Variants in KCNG3 observed in about 807,000 individuals in gnomAD.
KCNG3 encodes the protein voltage-gated potassium channel regulatory subunit KCNG3.
A neutral mutation model predicts 29.0 loss-of-function variants in KCNG3; 15 were observed. The observed-to-expected ratio is 0.52, with a 90% CI of 0.35 to 0.80. The LOEUF is 0.80. KCNG3 is among the 30% of genes least tolerant of loss of function. The probability of loss-of-function intolerance (pLI) is 0.01; values close to 1 mark genes in which losing one functional copy is unlikely to be tolerated. For synonymous variants in KCNG3, 322 were observed against 248.9 expected (o/e 1.29, Z -2.76); for missense variants, 512 against 605.7 (o/e 0.85, Z 1.62).
At chr2:42,430,413 C>G in the KCNG3 span, among the ~76,000 whole-genome samples, 1 of 146,766 alleles carries the variant, frequency 6.8e-6, no homozygotes, top group South Asian at 2.2e-4. Flanking sequence ...TAAATAAATA[C>G]GCTAACCAAC....
chr2:42,390,153 G>A, the KCNG3 span, among the ~76,000 whole-genome samples: 3 of 152,098 alleles, frequency 2.0e-5, no homozygotes, highest in East Asian at 5.8e-4. Flanking sequence ...CACCAAAATT[G>A]GATTTTGCTC....
chr2:42,421,107 T>C, the KCNG3 span, among the ~76,000 whole-genome samples: 1 of 152,224 alleles, frequency 6.6e-6, no homozygotes, highest in Admixed American at 6.5e-5. Flanking sequence ...ATTTTTGAGA[T>C]GTTTTATCTT....
intron 1 of KCNG3, among the ~76,000 whole-genome samples, chr2:42,467,228 C>T (rs998711725): frequency 8.5e-5 from 13 of 152,212 alleles, no homozygotes; most frequent in South Asian, 8.3e-4. Flanking sequence ...ATTGAATCTA[C>T]ACTTTGACAT....
At chr2:42,488,282 G>C (rs1455227920) in intron 1 of KCNG3, among the ~76,000 whole-genome samples, 1 of 152,158 alleles carries the variant, frequency 6.6e-6, no homozygotes, top group African/African-American at 2.4e-5. Flanking sequence ...ATTGTGCACT[G>C]TGCCAAAATT....
At chr2:42,418,020 T>C in the KCNG3 span, among the ~76,000 whole-genome samples, 1 of 151,598 alleles carries the variant, frequency 6.6e-6, no homozygotes, top group Non-Finnish European at 1.5e-5. Flanking sequence ...AAATAAAATA[T>C]ATATATACTG....
chr2:42,447,429 T>A (rs908791323), intron 1 of KCNG3, among the ~76,000 whole-genome samples: 5 of 152,162 alleles, frequency 3.3e-5, no homozygotes, highest in African/African-American at 1.2e-4. Flanking sequence ...CCTCATTTCT[T>A]AAACATGGTG....
At chr2:42,471,500 A>T (rs1673287487) in intron 1 of KCNG3, among the ~76,000 whole-genome samples, 1 of 152,134 alleles carries the variant, frequency 6.6e-6, no homozygotes, top group South Asian at 2.1e-4. Context: ...AGGAGGGGGA[A>T]CAGGGTGTGA....
the KCNG3 span, among the ~76,000 whole-genome samples, chr2:42,427,020 A>G: frequency 6.6e-6 from 1 of 152,380 alleles, no homozygotes; most frequent in East Asian, 1.9e-4. Context: ...CCATAACTAG[A>G]GAACTCTTCT....
chr2:42,478,729 T>C (rs1478646698), intron 1 of KCNG3, among the ~76,000 whole-genome samples: 1 of 152,180 alleles, frequency 6.6e-6, no homozygotes, highest in Non-Finnish European at 1.5e-5. Flanking sequence ...CTCTCATAGA[T>C]GGCTCTATGG....
the KCNG3 span, among the ~76,000 whole-genome samples, chr2:42,428,597 T>C: frequency 6.6e-6 from 1 of 151,456 alleles, no homozygotes; most frequent in African/African-American, 2.4e-5. Context: ...TCTAGAAAAA[T>C]GTTCTTCTAA....
At chr2:42,423,310 G>A in the KCNG3 span, among the ~76,000 whole-genome samples, 1 of 152,146 alleles carries the variant, frequency 6.6e-6, no homozygotes. Context: ...CTCCACCCTT[G>A]ACACAGTTGA....
At chr2:42,477,146 T>C (rs1191863283) in intron 1 of KCNG3, among the ~76,000 whole-genome samples, 1 of 146,626 alleles carries the variant, frequency 6.8e-6, no homozygotes, top group Non-Finnish European at 1.5e-5. Flanking sequence ...GAGCTGAGAT[T>C]ACGCCACTGC....
At chr2:42,450,687 C>T (rs543699632) in intron 1 of KCNG3, among the ~76,000 whole-genome samples, 1 of 152,306 alleles carries the variant, frequency 6.6e-6, no homozygotes, top group South Asian at 2.1e-4. Context: ...AATTTACAGA[C>T]ATCATCTCGT....
chr2:42,399,169 A>C, the KCNG3 span, among the ~76,000 whole-genome samples: 4 of 143,092 alleles, frequency 2.8e-5, no homozygotes, highest in African/African-American at 7.9e-5. Flanking sequence ...TGATCCTCCC[A>C]CTTCAGGTTT....
chr2:42,455,800 T>TTA (rs1672861881), intron 1 of KCNG3, among the ~76,000 whole-genome samples: 1 of 151,386 alleles, frequency 6.6e-6, no homozygotes, highest in South Asian at 2.1e-4. Flanking sequence ...AATTAAAAAA[T>TTA]TATATATATG....
At chr2:42,440,123 T>A (rs950659428), downstream of KCNG3, among the ~76,000 whole-genome samples, 2 of 152,124 alleles carry the variant, frequency 1.3e-5, no homozygotes, top group African/African-American at 4.8e-5. Context: ...GTTGCTAATA[T>A]TTGGATCGGA....
rs1674003747 is a variant in KCNG3 at position 42,493,946 on chromosome 2, GGCCGCCCCGCC to G, written c.-456_-446del. The G allele has an allele frequency of 6.5e-6, 1 of 154,850 alleles. No individual in the cohort carries two copies. Among genetic ancestry groups the G allele is most frequent in the Admixed American group, 6.5e-5 (1 of 15,304 alleles). 9.6% of individuals were successfully genotyped at this position (154,850 alleles called of 1,614,324 possible). A position where few individuals can be genotyped will look rare whatever the true frequency, so the allele number is the denominator to read the frequency against. ...CGCTCCCTGCGGCCGCGAATCCGGC[GGCCGCCCCGCC>G]GCCGTCCAGAGGCGAGAGGCAAAGT... On this transcript the variant is annotated 5_prime_UTR_variant, in exon 1 of 2. Transcript: ENST00000306078.
downstream of KCNG3, among the ~76,000 whole-genome samples, chr2:42,441,537 C>G (rs1672477601): frequency 6.6e-6 from 1 of 151,978 alleles, no homozygotes; most frequent in Admixed American, 6.6e-5. Flanking sequence ...TCTATCACGT[C>G]TCATCGTCTC....
intron 1 of KCNG3, among the ~76,000 whole-genome samples, chr2:42,466,473 G>A (rs1052402522): frequency 6.6e-6 from 1 of 152,112 alleles, no homozygotes; most frequent in African/African-American, 2.4e-5. Context: ...TGTTGTAACT[G>A]CCTACAGTAT....
Sources: allele counts gnomAD v4.1 joint callset (sites outside exome capture counted in the v4.1 genomes callset), GRCh38; gene constraint gnomAD v4.1.1; transcripts MANE v1.5; gene names NCBI Gene and HGNC (gene_info 2026-07-23, HGNC 2026-07-21).